ADGRL3: variants seen among roughly 807,000 people sequenced by gnomAD.
ADGRL3 encodes adhesion G protein-coupled receptor L3, also known as calcium-independent alpha-latrotoxin receptor 3.
In ADGRL3, 62 loss-of-function variants were observed where a neutral mutation model predicts 153.5. The ratio of observed to expected loss-of-function variants is 0.40; its 90% CI spans 0.33 to 0.50. The LOEUF (loss-of-function observed/expected upper bound fraction) is 0.50. Ranked by LOEUF, ADGRL3 falls within the 20% of genes least tolerant of loss-of-function variation. ADGRL3 has a pLI of 0.47. For missense variants in ADGRL3, 1,641 were observed against 1,859.4 expected (o/e 0.88, Z 2.16); for synonymous variants, 710 against 672.5 (o/e 1.06, Z -0.86).
intron 2 of ADGRL3, among the ~76,000 whole-genome samples, chr4:61,396,456 A>C (rs1011638104): frequency 6.6e-6 from 1 of 151,990 alleles, no homozygotes; most frequent in Non-Finnish European, 1.5e-5. Context: ...CAAATTACAT[A>C]ATCACATTTG....
intron 5 of ADGRL3, among the ~76,000 whole-genome samples, chr4:61,670,544 G>A (rs1201699152): frequency 6.6e-6 from 1 of 152,010 alleles, no homozygotes; most frequent in Non-Finnish European, 1.5e-5. Context: ...CCTTAGTTTA[G>A]CAAGGTCCAA....
At chr4:61,996,419 G>A (rs372098949) in intron 20 of ADGRL3, 62 bp downstream of exon 20, 1 of 1,111,778 alleles carries the variant, frequency 9.0e-7, no homozygotes, top group South Asian at 1.3e-5. Flanking sequence ...CACTATCCCA[G>A]TACTGACTGT....
intron 1 of ADGRL3, among the ~76,000 whole-genome samples, chr4:61,298,116 G>A (rs1367467434): frequency 6.6e-6 from 1 of 151,846 alleles, no homozygotes; most frequent in Non-Finnish European, 1.5e-5. Flanking sequence ...ATTTTTTACT[G>A]TATTATACTT....
At position 61,847,827 on chromosome 4, in the gene ADGRL3, T is replaced by C. The variant is rs180833298; in HGVS notation, c.1480+33938T>C. Among the ~76,000 whole-genome samples, 22 of 16,982 alleles carry C rather than the reference T, an allele frequency of 1.3e-3. 3 individuals are homozygous for C. Among genetic ancestry groups the C allele is most frequent in the Non-Finnish European group, 2.5e-3 (18 of 7,072 alleles). 11.1% of individuals were successfully genotyped at this position (16,982 alleles called of 152,430 possible). On this transcript the variant is annotated intron_variant, in intron 9 of 26. Transcript: ENST00000683033. ...TAAAATATATTATATATATATAATA[T>C]AAAATATATATATAATATAAAATAT...
chr4:61,825,177 C>T (rs892057085), intron 9 of ADGRL3, among the ~76,000 whole-genome samples: 4 of 152,086 alleles, frequency 2.6e-5, no homozygotes, highest in Non-Finnish European at 4.4e-5. Context: ...TAGGTGGAGT[C>T]AAATGTAAGT....
intron 6 of ADGRL3, among the ~76,000 whole-genome samples, chr4:61,718,860 G>T (rs933742456): frequency 2.6e-5 from 4 of 152,128 alleles, no homozygotes; most frequent in African/African-American, 9.7e-5. Context: ...ATAGAGCAAA[G>T]AATAATGTGG....
chr4:61,582,028 C>A (rs1396818922), intron 4 of ADGRL3, among the ~76,000 whole-genome samples: 1 of 151,666 alleles, frequency 6.6e-6, no homozygotes, highest in Non-Finnish European at 1.5e-5. Flanking sequence ...TTGGAGTAAA[C>A]AAAATATGAA....
At chr4:61,887,180 T>A (rs186412380) in intron 9 of ADGRL3, among the ~76,000 whole-genome samples, 1 of 152,210 alleles carries the variant, frequency 6.6e-6, no homozygotes. Flanking sequence ...TATTTTTGAT[T>A]GTATAATTTT....
At chr4:61,249,245 A>C (rs1167189995) in intron 1 of ADGRL3, among the ~76,000 whole-genome samples, 1 of 152,176 alleles carries the variant, frequency 6.6e-6, no homozygotes, top group Non-Finnish European at 1.5e-5. Context: ...AAAATCTTTC[A>C]GTAAAGGTAA....
chr4:61,645,852 G>A (rs982546964), intron 5 of ADGRL3, among the ~76,000 whole-genome samples: 3 of 152,158 alleles, frequency 2.0e-5, no homozygotes, highest in African/African-American at 7.2e-5. Context: ...GAATGGGGAA[G>A]TTCTCCTGGA....
intron 1 of ADGRL3, among the ~76,000 whole-genome samples, chr4:61,260,044 A>C (rs1284135247): frequency 6.6e-6 from 1 of 152,234 alleles, no homozygotes; most frequent in Admixed American, 6.5e-5. Flanking sequence ...TGAGACGTGT[A>C]AGATTAAATG....
intron 21 of ADGRL3, among the ~76,000 whole-genome samples, chr4:62,011,620 C>A (rs1414789885): frequency 6.6e-6 from 1 of 151,940 alleles, no homozygotes; most frequent in South Asian, 2.1e-4. Context: ...TTCTCAAATC[C>A]AAAGGCATCA....
At chr4:61,223,350 G>A (rs1466184909) in intron 1 of ADGRL3, among the ~76,000 whole-genome samples, 1 of 152,138 alleles carries the variant, frequency 6.6e-6, no homozygotes, top group African/African-American at 2.4e-5. Flanking sequence ...GCATTTAATG[G>A]GCTCTCTGCA....
intron 9 of ADGRL3, among the ~76,000 whole-genome samples, chr4:61,827,953 T>C (rs1484437326): frequency 1.3e-5 from 2 of 152,200 alleles, no homozygotes; most frequent in East Asian, 3.8e-4. Context: ...GTCTAAGTAA[T>C]TGAATTGGCC....
Position 61,326,715 on chromosome 4 carries a change from A to G in ADGRL3, c.-239-56409A>G, listed in dbSNP as rs1404014947. 2.6e-5 allele frequency among the ~76,000 whole-genome samples: 4 copies of G among 151,568 alleles called. No individual in the cohort carries two copies. The East Asian group carries it at 5.8e-4, about 22-fold the overall frequency. ...CTAAATTTTTGTTGGAAAATTTAAA[A>G]TTTCCCTTCTTTTGGGGAGCTATTG... is the stretch of plus-strand genomic sequence containing the variant. On this transcript the variant is annotated intron_variant, in intron 1 of 26. Transcript: ENST00000683033.
At chr4:61,819,583 A>C (rs1396485311) in intron 9 of ADGRL3, among the ~76,000 whole-genome samples, 6 of 152,226 alleles carry the variant, frequency 3.9e-5, no homozygotes, top group Non-Finnish European at 8.8e-5. Context: ...TATGGACTTG[A>C]CTATATTCCT....
At chr4:61,882,793 A>G (rs1020716773) in intron 9 of ADGRL3, among the ~76,000 whole-genome samples, 1 of 152,204 alleles carries the variant, frequency 6.6e-6, no homozygotes, top group Non-Finnish European at 1.5e-5. Context: ...CTTAACAGTC[A>G]GGCTATGCTT....
At chr4:61,607,534 A>G (rs559445223) in intron 5 of ADGRL3, among the ~76,000 whole-genome samples, 1 of 152,260 alleles carries the variant, frequency 6.6e-6, no homozygotes, top group East Asian at 1.9e-4. Context: ...CAGGAGGCGG[A>G]GGTTGCAGTG....
rs1480231403 is a variant in ADGRL3 at position 61,367,458 on chromosome 4, A to G, written c.-239-15666A>G. On this transcript the variant is annotated intron_variant, in intron 1 of 26. Transcript: ENST00000683033. ...TGTGTCCATGTGTTCTCATTGTTCAATTCCCACCTATGAGTGAGAATATGC... is the reference window on the plus strand; with the variant it reads ...TGTGTCCATGTGTTCTCATTGTTCAGTTCCCACCTATGAGTGAGAATATGC... Among the ~76,000 whole-genome samples, 684 of 151,290 alleles carry G rather than the reference A, an allele frequency of 4.5e-3. 2 individuals carry two copies. Among genetic ancestry groups the G allele is most frequent in the African/African-American group, 0.015 (628 of 41,160 alleles).
Sources: allele counts gnomAD v4.1 joint callset (sites outside exome capture counted in the v4.1 genomes callset), GRCh38; gene constraint gnomAD v4.1.1; transcripts MANE v1.5; gene names NCBI Gene and HGNC (gene_info 2026-07-23, HGNC 2026-07-21).